Variants in IMPG1 observed in about 807,000 individuals in gnomAD.
IMPG1 encodes interphotoreceptor matrix proteoglycan 1.
Under a neutral mutation model 92.0 loss-of-function variants are expected in IMPG1, and 85 were observed. The observed-to-expected ratio is 0.92, with a 90% CI of 0.78 to 1.11. The LOEUF is 1.11. Among genes scored for constraint, IMPG1 ranks in the 50% least tolerant of loss-of-function variants. The pLI is 0.00. For missense variants in IMPG1, 1,022 were observed against 956.0 expected (o/e 1.07, Z -0.91); for synonymous variants, 367 against 334.1 (o/e 1.10, Z -1.08).
intron 12 of IMPG1, among the ~76,000 whole-genome samples, chr6:75,959,228 C>G (rs1221184292): frequency 1.3e-5 from 2 of 152,200 alleles, no homozygotes; most frequent in African/African-American, 2.4e-5. Context: ...CTGCCTATTT[C>G]TTCCTTTGGA....
intron 12 of IMPG1, among the ~76,000 whole-genome samples, chr6:75,964,705 A>G (rs1782275216): frequency 6.6e-6 from 1 of 151,300 alleles, no homozygotes; most frequent in Non-Finnish European, 1.5e-5. Context: ...GAGAGAGAGA[A>G]AAATGAAAAA....
At chr6:75,957,396 G>A (rs926011983) in intron 12 of IMPG1, among the ~76,000 whole-genome samples, 1 of 152,212 alleles carries the variant, frequency 6.6e-6, no homozygotes, top group African/African-American at 2.4e-5. Context: ...TTGACTTGGG[G>A]TGGAGAGTTC....
At chr6:75,936,525 A>G (rs1170832271) in intron 14 of IMPG1, among the ~76,000 whole-genome samples, 1 of 152,236 alleles carries the variant, frequency 6.6e-6, no homozygotes, top group African/African-American at 2.4e-5. Context: ...TTAAGTTAAC[A>G]AGAGTTCTTT....
intron 13 of IMPG1, 37 bp downstream of exon 13, chr6:75,950,525 G>A (rs1040969174): frequency 4.0e-6 from 6 of 1,507,616 alleles, no homozygotes; most frequent in Non-Finnish European, 5.4e-6. Flanking sequence ...AGAAAGAAGA[G>A]ACAAAGAATT....
At chr6:76,027,548 C>A (rs1285116537) in intron 4 of IMPG1, among the ~76,000 whole-genome samples, 2 of 152,006 alleles carry the variant, frequency 1.3e-5, no homozygotes, top group East Asian at 1.9e-4. Flanking sequence ...AAACTTTGGC[C>A]TAGGGTTAAA....
At position 75,967,087 on chromosome 6, in the gene IMPG1, G is replaced by A. The variant is rs1262256926; in HGVS notation, c.1292-15993C>T. ...CCAGCTACTTGGGAGGCTGAGGCAAGAGAATCACTTGAACCGGAAGGTGGA... is the reference window on the plus strand; with the variant it reads ...CCAGCTACTTGGGAGGCTGAGGCAAAAGAATCACTTGAACCGGAAGGTGGA... On this transcript the variant is annotated intron_variant, in intron 12 of 16. Transcript: ENST00000369950. Among the ~76,000 whole-genome samples, 2 of 152,288 alleles carry A rather than the reference G, an allele frequency of 1.3e-5. 1 individual carries two copies.
At chr6:76,051,350 G>T (rs1784039858) in intron 1 of IMPG1, among the ~76,000 whole-genome samples, 1 of 152,150 alleles carries the variant, frequency 6.6e-6, no homozygotes, top group Non-Finnish European at 1.5e-5. Flanking sequence ...CAGGTTTTCT[G>T]AATACCTTGT....
chr6:76,055,077 G>T (rs1462407323), intron 1 of IMPG1, among the ~76,000 whole-genome samples: 1 of 151,914 alleles, frequency 6.6e-6, no homozygotes, highest in Non-Finnish European at 1.5e-5. Context: ...TGACCTAATG[G>T]ACATGTATGA....
chr6:76,019,315 A>G (rs983797832), intron 6 of IMPG1, among the ~76,000 whole-genome samples: 1 of 152,218 alleles, frequency 6.6e-6, no homozygotes, highest in African/African-American at 2.4e-5. Context: ...CTCAGTTTCA[A>G]ACTTGGGTTT....
chr6:76,056,451 G>A (rs1489445287), intron 1 of IMPG1, among the ~76,000 whole-genome samples: 1 of 152,176 alleles, frequency 6.6e-6, no homozygotes, highest in Non-Finnish European at 1.5e-5. Context: ...GGATATTTGA[G>A]TTGTTCCCAT....
At chr6:76,063,467 G>A (rs1471522713) in intron 1 of IMPG1, among the ~76,000 whole-genome samples, 1 of 152,110 alleles carries the variant, frequency 6.6e-6, no homozygotes, top group Admixed American at 6.6e-5. Context: ...TCCTTGCCCT[G>A]GTGGCAGATC....
At chr6:75,978,389 G>A (rs1782573068) in intron 12 of IMPG1, among the ~76,000 whole-genome samples, 1 of 152,070 alleles carries the variant, frequency 6.6e-6, no homozygotes, top group East Asian at 1.9e-4. Flanking sequence ...TGTTGTTGAC[G>A]TATTTTGCTA....
chr6:76,065,705 T>A (rs183537636), intron 1 of IMPG1, among the ~76,000 whole-genome samples: 20 of 152,128 alleles, frequency 1.3e-4, no homozygotes, highest in Admixed American at 8.5e-4. Flanking sequence ...AATTTAGACA[T>A]CCAGTTATAA....
At chr6:76,054,674 T>A (rs780437971) in intron 1 of IMPG1, among the ~76,000 whole-genome samples, 6 of 152,258 alleles carry the variant, frequency 3.9e-5, no homozygotes, top group African/African-American at 1.2e-4. Flanking sequence ...ATTTGTCTCA[T>A]CTGCTGCTTT....
At chr6:75,922,377 A>C (rs1047853790) in intron 16 of IMPG1, among the ~76,000 whole-genome samples, 6 of 152,196 alleles carry the variant, frequency 3.9e-5, no homozygotes, top group Non-Finnish European at 7.3e-5. Context: ...TTAGATTCTC[A>C]GGCTGACCCA....
At chr6:75,966,364 G>C (rs1462274629) in intron 12 of IMPG1, among the ~76,000 whole-genome samples, 1 of 152,126 alleles carries the variant, frequency 6.6e-6, no homozygotes, top group East Asian at 1.9e-4. Context: ...GCAGTATTTA[G>C]AGATGATTAG....
At chr6:76,029,757 A>G (rs1033706033) in intron 4 of IMPG1, among the ~76,000 whole-genome samples, 2 of 152,216 alleles carry the variant, frequency 1.3e-5, no homozygotes, top group African/African-American at 2.4e-5. Context: ...GTAAAGACCA[A>G]GGGAACTAAC....
At chr6:76,027,235 A>C (rs535392064) in intron 4 of IMPG1, among the ~76,000 whole-genome samples, 1 of 152,342 alleles carries the variant, frequency 6.6e-6, no homozygotes, top group Admixed American at 6.5e-5. Context: ...AAGGTTTGCT[A>C]AGTGTTTTGA....
At chr6:75,998,775 T>C (rs1782939623) in intron 12 of IMPG1, among the ~76,000 whole-genome samples, 2 of 152,356 alleles carry the variant, frequency 1.3e-5, no homozygotes, top group South Asian at 4.1e-4. Flanking sequence ...GAATTAATAC[T>C]ATTTTTGAAC....
Sources: allele counts gnomAD v4.1 joint callset (sites outside exome capture counted in the v4.1 genomes callset), GRCh38; gene constraint gnomAD v4.1.1; transcripts MANE v1.5; gene names NCBI Gene and HGNC (gene_info 2026-07-23, HGNC 2026-07-21).